Variants in FNBP1 observed in about 807,000 individuals in gnomAD.
FNBP1 encodes the protein formin-binding protein 1.
Under a neutral mutation model 90.6 loss-of-function variants are expected in FNBP1, and 26 were observed. That is an observed-to-expected ratio of 0.29 (90% CI 0.21 to 0.40). FNBP1 has a LOEUF of 0.40. FNBP1 is among the 10% of genes least tolerant of loss of function. FNBP1 has a pLI of 1.00. For synonymous variants in FNBP1, 260 were observed against 265.2 expected (o/e 0.98, Z 0.19); for missense variants, 635 against 768.0 (o/e 0.83, Z 2.05).
intron 5 of FNBP1, 69 bp downstream of exon 5, chr9:129,958,422 C>G (rs1588876694): frequency 1.6e-6 from 2 of 1,215,352 alleles, no homozygotes; most frequent in African/African-American, 1.7e-5. Flanking sequence ...ACAGAGGGAG[C>G]CTCCGTCTCA....
intron 13 of FNBP1, among the ~76,000 whole-genome samples, chr9:129,902,265 C>G (rs926118347): frequency 2.0e-5 from 3 of 151,980 alleles, no homozygotes; most frequent in Non-Finnish European, 4.4e-5. Flanking sequence ...AATTTTATTA[C>G]CATGAGATGA....
chr9:129,994,926 CTG>C lies in FNBP1; in HGVS notation c.55_56del (p.Gln19ValfsTer4). On this transcript the variant is annotated frameshift_variant, in exon 2 of 17. Coordinates refer to ENST00000446176, the MANE Select transcript of FNBP1 (RefSeq NM_015033.3). LOFTEE classifies it high-confidence loss of function. ...DQFDNLEKHT[Q>X]WGIDILEKYI... is the part of the protein sequence containing the mutation. ...ATTTCTCAAGAATATCAATTCCCCA[CTG>C]TGTGTGTTTTTCTAAGTTGTCAAAC... The C allele has an allele frequency of 6.2e-7, 1 of 1,604,538 alleles. No individual in the cohort carries two copies. The highest frequency in any genetic ancestry group is 8.5e-7 in the Non-Finnish European group (1 of 1,173,140).
intron 7 of FNBP1, among the ~76,000 whole-genome samples, chr9:129,928,429 C>T (rs1588619757): frequency 6.6e-6 from 1 of 152,092 alleles, no homozygotes; most frequent in African/African-American, 2.4e-5. Context: ...GAGGCCAAGG[C>T]GGGCGGATCA....
intron 1 of FNBP1, among the ~76,000 whole-genome samples, chr9:130,032,280 C>T (rs1036225956): frequency 3.9e-5 from 6 of 152,002 alleles, no homozygotes. Context: ...AAGTGATCCT[C>T]CCATCTCAGC....
rs2034947112 is a variant in FNBP1 at position 129,889,678 on chromosome 9, A to G, written c.*861T>C. On this transcript the variant is annotated 3_prime_UTR_variant, in exon 17 of 17. Coordinates refer to ENST00000446176, the MANE Select transcript of FNBP1 (RefSeq NM_015033.3). ...TGTTCGCTTTGCAATGAGCTGGTGC[A>G]GAGGGGAGGGCCTCGCTCACAAGCG... 4.3e-6 allele frequency: 1 copy of G among 231,030 alleles called. No homozygotes were observed. Among genetic ancestry groups the G allele is most frequent in the Non-Finnish European group, 8.6e-6 (1 of 116,752 alleles). The allele number at this position is 231,030 out of a possible 1,614,324, so 14.3% of individuals were successfully genotyped here. A position where few individuals can be genotyped will look rare whatever the true frequency, so the allele number is the denominator to read the frequency against.
chr9:129,980,285 G>A (rs952782980), intron 2 of FNBP1, among the ~76,000 whole-genome samples: 1 of 151,220 alleles, frequency 6.6e-6, no homozygotes, highest in Non-Finnish European at 1.5e-5. Flanking sequence ...GCTTGAACCC[G>A]GGAGGAGGAG....
intron 2 of FNBP1, among the ~76,000 whole-genome samples, chr9:129,981,763 C>T (rs1450725980): frequency 4.6e-5 from 7 of 152,048 alleles, no homozygotes; most frequent in African/African-American, 1.4e-4. Context: ...AGGGGTTGGA[C>T]GACATGACCT....
chr9:129,914,803 A>G (rs2131672497), intron 11 of FNBP1: 1 of 156,338 alleles, frequency 6.4e-6, no homozygotes, highest in Non-Finnish European at 1.4e-5. Flanking sequence ...ATCTCACCAT[A>G]AAATACTATC....
chr9:129,995,529 C>T (rs2053858998), intron 1 of FNBP1, among the ~76,000 whole-genome samples: 1 of 152,086 alleles, frequency 6.6e-6, no homozygotes, highest in Admixed American at 6.6e-5. Context: ...TTGCATTGTG[C>T]CTTGGGGTTT....
At chr9:130,034,964 T>C (rs1209852625) in intron 1 of FNBP1, among the ~76,000 whole-genome samples, 1 of 152,062 alleles carries the variant, frequency 6.6e-6, no homozygotes, top group Non-Finnish European at 1.5e-5. Context: ...CTGGGCAGCA[T>C]AGAAAGACCC....
rs190596861 is a variant in FNBP1, at chr9:129,943,721, G to A, written c.513+13639C>T. Among the ~76,000 whole-genome samples the A allele has an allele frequency of 2.1e-3, 320 of 152,176 alleles. 1 individual carries two copies. Among genetic ancestry groups the A allele is most frequent in the Non-Finnish European group, 3.5e-3 (235 of 67,998 alleles). The stretch of plus-strand genomic sequence containing the variant: ...TTAAACTGCTATTGTGGTCGGGCAC[G>A]GTAGCTGACGCCTGTAATCCCAGCA... On this transcript the variant is annotated intron_variant, in intron 6 of 16. Coordinates refer to ENST00000446176, the MANE Select transcript of FNBP1 (RefSeq NM_015033.3).
intron 4 of FNBP1, among the ~76,000 whole-genome samples, chr9:129,959,021 A>G (rs1248775363): frequency 6.6e-6 from 1 of 150,548 alleles, no homozygotes; most frequent in East Asian, 1.9e-4. Flanking sequence ...AAAGGGAATA[A>G]AAAGCTTAAT....
chr9:129,979,879 A>G (rs370444944), intron 2 of FNBP1, among the ~76,000 whole-genome samples: 44 of 151,268 alleles, frequency 2.9e-4, no homozygotes, highest in African/African-American at 1.0e-3. Context: ...CAGACCTCAA[A>G]TGATCTGCCT....
chr9:129,919,336 C>A, intron 10 of FNBP1: 1 of 571,514 alleles, frequency 1.7e-6, no homozygotes, highest in Non-Finnish European at 2.9e-6. Context: ...TTTTCAAAAT[C>A]TTTCGGTCAA....
chr9:130,020,857 C>T (rs1032422382), intron 1 of FNBP1, among the ~76,000 whole-genome samples: 1 of 152,072 alleles, frequency 6.6e-6, no homozygotes, highest in Non-Finnish European at 1.5e-5. Context: ...ATTGCAGGAA[C>T]AACGGGGAAT....
intron 12 of FNBP1, among the ~76,000 whole-genome samples, chr9:129,903,659 ATTAAT>A (rs1224771833): frequency 3.9e-5 from 6 of 152,138 alleles, no homozygotes; most frequent in East Asian, 1.9e-4. Flanking sequence ...TTTTTAATTA[ATTAAT>A]TTATTTTTGA....
chr9:129,896,392 G>T (rs2035750107), intron 15 of FNBP1, among the ~76,000 whole-genome samples: 1 of 151,960 alleles, frequency 6.6e-6, no homozygotes, highest in South Asian at 2.1e-4. Context: ...TTTTTTGGGG[G>T]GGTTGTGGGG....
In FNBP1 at chr9:129,908,894, G is replaced by C. The variant is rs1319894127; in HGVS notation, c.1291C>G (p.Gln431Glu). The change falls in exon 12 of 17, where the codon CAA (glutamine) becomes GAA (glutamate). Residue 431 changes from glutamine to glutamate, a missense_variant. By Grantham distance (29) the Gln-to-Glu change is conservative. Coordinates refer to ENST00000446176, the MANE Select transcript of FNBP1 (RefSeq NM_015033.3). ...AGTCATATTGATGCACTATACCTTT[G>C]ATCCATCTCCTTCTGAATTTCTTTA... ...LNKEIQKEMD[Q>E]RDAITKMKDV... The C allele has an allele frequency of 6.3e-7, 1 of 1,599,994 alleles. No homozygotes were observed. Among genetic ancestry groups the C allele is most frequent in the Non-Finnish European group, 8.6e-7 (1 of 1,168,376 alleles).
intron 2 of FNBP1, among the ~76,000 whole-genome samples, chr9:129,983,609 G>A (rs1012210077): frequency 2.6e-5 from 4 of 152,038 alleles, no homozygotes; most frequent in African/African-American, 7.2e-5. Flanking sequence ...TCGGGAGTTC[G>A]AGACCAGCCT....
Sources: gnomAD v4.1 joint callset for allele counts (sites outside exome capture counted in the v4.1 genomes callset) on GRCh38, gnomAD v4.1.1 for gene constraint, MANE v1.5 for transcripts, NCBI Gene and HGNC (gene_info 2026-07-23, HGNC 2026-07-21) for gene names.